The following CPLANE1 variants were observed in gnomAD, a reference collection of about 807,000 sequenced individuals.
CPLANE1 encodes the protein ciliogenesis and planar polarity effector 1.
CPLANE1 carries 263 observed loss-of-function variants against 362.5 expected under a neutral mutation model. The ratio of observed to expected loss-of-function variants is 0.73; its 90% CI spans 0.66 to 0.80. The LOEUF (loss-of-function observed/expected upper bound fraction) is 0.80. CPLANE1 is among the 30% of genes least tolerant of loss of function. The pLI is 0.00. For synonymous variants in CPLANE1, 1,212 were observed against 1,302.6 expected (o/e 0.93, Z 1.50); for missense variants, 3,461 against 3,793.4 (o/e 0.91, Z 2.30).
At chr5:37,092,264 A>G in the CPLANE1 span, among the ~76,000 whole-genome samples, 1 of 152,144 alleles carries the variant, frequency 6.6e-6, no homozygotes, top group African/African-American at 2.4e-5. Flanking sequence ...AACACTACAT[A>G]TCACTCCACT....
intron 33 of CPLANE1, among the ~76,000 whole-genome samples, 195 bp downstream of exon 33, chr5:37,169,846 C>T (rs986309443): frequency 5.3e-5 from 8 of 152,054 alleles, no homozygotes; most frequent in Non-Finnish European, 1.2e-4. Context: ...CCTGCCTCAG[C>T]CTCCTGAGTA....
intron 47 of CPLANE1, among the ~76,000 whole-genome samples, chr5:37,123,476 C>CA (rs751309221): frequency 6.4e-4 from 97 of 152,180 alleles, no homozygotes; most frequent in Non-Finnish European, 1.2e-3. Context: ...AAAAACAAAA[C>CA]AAAAAAAGTG....
rs1443954760 is a variant in CPLANE1 at position 37,226,774 on chromosome 5, G to A, written c.1821C>T (p.Tyr607=). Residue 607 remains tyrosine, a synonymous_variant, in exon 12 of 53, where the codon TAC becomes TAT. Coordinates refer to ENST00000651892, the MANE Select transcript of CPLANE1 (RefSeq NM_001384732.1). ...AAGGACATTTTATAAATTGAAGAATGTAAAAAAAATGAGTGATACAAACTA... is the reference window on the plus strand; with the variant it reads ...AAGGACATTTTATAAATTGAAGAATATAAAAAAAATGAGTGATACAAACTA... The part of the protein sequence containing the change: ...YIVVCITHFF[Y]ILQFIKCPFP... 2 of 1,540,412 alleles carry A rather than the reference G, an allele frequency of 1.3e-6. No homozygotes were observed. The highest frequency in any genetic ancestry group is 1.4e-5 in the African/African-American group (1 of 72,404).
intron 16 of CPLANE1, chr5:37,211,730 C>T: frequency 1.3e-6 from 1 of 780,250 alleles, no homozygotes; most frequent in Non-Finnish European, 2.4e-6. Context: ...CTCCCTTCTC[C>T]AGCCCTCCGG....
the CPLANE1 span, among the ~76,000 whole-genome samples, chr5:37,100,221 C>A: frequency 1.3e-5 from 2 of 152,064 alleles, no homozygotes; most frequent in South Asian, 4.1e-4. Flanking sequence ...AGATTTTCTT[C>A]TAGGGTTTTT....
chr5:37,126,157 T>C (rs1764071633), intron 46 of CPLANE1, among the ~76,000 whole-genome samples: 1 of 152,182 alleles, frequency 6.6e-6, no homozygotes, highest in African/African-American at 2.4e-5. Flanking sequence ...GAGGATCACT[T>C]GAGCCTGGGA....
intron 19 of CPLANE1, among the ~76,000 whole-genome samples, chr5:37,200,916 C>G (rs566355719): frequency 2.0e-5 from 3 of 152,124 alleles, no homozygotes; most frequent in Non-Finnish European, 4.4e-5. Context: ...CTCTACCTCC[C>G]GGGCTCAAGC....
At chr5:37,139,237 CAA>C in intron 45 of CPLANE1, 101 bp downstream of exon 45, 4 of 1,153,794 alleles carry the variant, frequency 3.5e-6, no homozygotes, top group Non-Finnish European at 4.8e-6. Context: ...CTTTAAACCA[CAA>C]AGATATATAT....
At chr5:37,110,416 TC>T (rs1181230926) in intron 51 of CPLANE1, among the ~76,000 whole-genome samples, 3 of 152,310 alleles carry the variant, frequency 2.0e-5, no homozygotes, top group Admixed American at 6.5e-5. Context: ...CTCCTTTTCA[TC>T]ATTCAAGATC....
chr5:37,100,121 C>G, the CPLANE1 span, among the ~76,000 whole-genome samples: 4 of 152,154 alleles, frequency 2.6e-5, no homozygotes, highest in African/African-American at 9.7e-5. Flanking sequence ...TCAATTAGAT[C>G]CCATTCGTCA....
the CPLANE1 span, among the ~76,000 whole-genome samples, chr5:37,098,353 C>G: frequency 0.048 from 6,429 of 132,752 alleles, 498 homozygotes; most frequent in African/African-American, 0.18. Context: ...ATCATGCCAC[C>G]GTACTCCAGC....
Position 37,239,855 on chromosome 5 carries a change from T to C in CPLANE1, c.692A>G (p.His231Arg), listed in dbSNP as rs767930925. 15 of 1,502,776 alleles carry C rather than the reference T, an allele frequency of 1.0e-5. No homozygotes were observed. In the South Asian group the frequency reaches 1.1e-4, roughly 11 times the overall value. The allele number at this position is 1,502,776 out of a possible 1,614,324, so 93.1% of individuals were successfully genotyped here. Residue 231 changes from histidine to arginine, a missense_variant, in exon 7 of 53, where the codon CAT (histidine) becomes CGT (arginine). Physicochemically the swap from His to Arg is conservative, Grantham distance 29. Transcript: ENST00000651892. The part of the protein sequence containing the change: ...VFTSVRSLPY[H>R]VHWAQQDCHL... Reference sequence around the variant, plus strand: ...ACAGTCTTGTTGAGCCCAATGAACATGGTATGGCAATGATCTAAAAAAGTA... The same window carrying C: ...ACAGTCTTGTTGAGCCCAATGAACACGGTATGGCAATGATCTAAAAAAGTA...
In CPLANE1 at chr5:37,170,811, C is replaced by T. The variant is rs143343523; in HGVS notation, c.6172-480G>A. 1.5e-4 allele frequency among the ~76,000 whole-genome samples: 23 copies of T among 152,254 alleles called. No homozygotes were observed. The East Asian group carries it at 4.3e-3, about 28-fold the overall frequency. On this transcript the variant is annotated intron_variant, in intron 32 of 52. Coordinates refer to ENST00000651892, the MANE Select transcript of CPLANE1 (RefSeq NM_001384732.1). ...ATTAGCTGGGTGTGGTGGCACGGGC[C>T]CGTAGTCCCAACTACTCGGGAAGCT... is the stretch of plus-strand genomic sequence containing the variant.
intron 43 of CPLANE1, among the ~76,000 whole-genome samples, chr5:37,145,196 T>C (rs905823482): frequency 1.3e-5 from 2 of 152,062 alleles, no homozygotes; most frequent in South Asian, 4.1e-4. Context: ...TCCCAGTTAC[T>C]TGGGGGGCTG....
At chr5:37,122,954 A>C (rs1270509878) in intron 47 of CPLANE1, among the ~76,000 whole-genome samples, 6 of 152,196 alleles carry the variant, frequency 3.9e-5, no homozygotes, top group African/African-American at 1.4e-4. Flanking sequence ...TTACTAGTTC[A>C]ATTAATATAT....
At chr5:37,091,831 G>A in the CPLANE1 span, among the ~76,000 whole-genome samples, 1 of 152,082 alleles carries the variant, frequency 6.6e-6, no homozygotes, top group Non-Finnish European at 1.5e-5. Flanking sequence ...GATCCAACCT[G>A]GTACCGGAGA....
At chr5:37,165,219 TAGG>T (rs1191223801) in intron 36 of CPLANE1, among the ~76,000 whole-genome samples, 3 of 152,188 alleles carry the variant, frequency 2.0e-5, no homozygotes, top group African/African-American at 7.2e-5. Flanking sequence ...GAAACTGTAT[TAGG>T]AGAAGCCCAA....
Position 37,157,800 on chromosome 5 carries a change from TCTCACAGGTAATTCCTGTA to T in CPLANE1, c.7862_7880del (p.Leu2621GlnfsTer17). 4.3e-6 allele frequency: 7 copies of T among 1,613,730 alleles called. No individual in the cohort carries two copies. The highest frequency in any genetic ancestry group is 5.9e-6 in the Non-Finnish European group (7 of 1,179,822). ...TAACATTATCATTTGAAGGCTCTTCTCTCACAGGTAATTCCTGTAGAAGATCATTAGCTTCAATGTCAAT... is the reference window on the plus strand; with the variant it reads ...TAACATTATCATTTGAAGGCTCTTCTGAAGATCATTAGCTTCAATGTCAAT... On this transcript the variant is annotated frameshift_variant, in exon 40 of 53. Coordinates refer to ENST00000651892, the MANE Select transcript of CPLANE1 (RefSeq NM_001384732.1). LOFTEE classifies it high-confidence loss of function.
chr5:37,223,191 C>T (rs942601131), intron 14 of CPLANE1, among the ~76,000 whole-genome samples: 1 of 152,146 alleles, frequency 6.6e-6, no homozygotes, highest in Non-Finnish European at 1.5e-5. Flanking sequence ...TTTCTCAGGC[C>T]TTTTTGGTTT....
Sources: gnomAD v4.1 joint callset for allele counts (sites outside exome capture counted in the v4.1 genomes callset) on GRCh38, gnomAD v4.1.1 for gene constraint, MANE v1.5 for transcripts, NCBI Gene and HGNC (gene_info 2026-07-23, HGNC 2026-07-21) for gene names.